The following CSNK1A1 variants were observed in gnomAD, a reference collection of about 807,000 sequenced individuals.
The protein encoded by CSNK1A1 is casein kinase 1 alpha 1, also known as casein kinase I isoform alpha.
Under a neutral mutation model 46.1 loss-of-function variants are expected in CSNK1A1, and 7 were observed. The ratio of observed to expected loss-of-function variants is 0.15; its 90% CI spans 0.09 to 0.29. The LOEUF (loss-of-function observed/expected upper bound fraction) is 0.29, where lower values mean the gene tolerates loss of function less well. CSNK1A1 is among the 10% of genes least tolerant of loss of function. CSNK1A1 has a pLI of 1.00. For synonymous variants in CSNK1A1, 137 were observed against 141.5 expected (o/e 0.97, Z 0.23); for missense variants, 96 against 417.1 (o/e 0.23, Z 6.71).
intron 9 of CSNK1A1, chr5:149,503,723 A>G (rs999298580): frequency 2.0e-6 from 2 of 985,304 alleles, no homozygotes; most frequent in African/African-American, 3.5e-5. Context: ...GCAGGACACA[A>G]ATTCTGCTTG....
At chr5:149,513,403 TA>T (rs3832344) in intron 4 of CSNK1A1, among the ~76,000 whole-genome samples, 194 bp from the exon 5 acceptor site, 10,636 of 146,002 alleles carry the variant, frequency 0.073, 1,128 homozygotes, top group East Asian at 0.5. Flanking sequence ...TAAATCAAGT[TA>T]AAAAAAAAAA....
At chr5:149,542,412 A>G (rs1762262888) in intron 2 of CSNK1A1, among the ~76,000 whole-genome samples, 1 of 149,584 alleles carries the variant, frequency 6.7e-6, no homozygotes, top group African/African-American at 2.5e-5. Flanking sequence ...ATGCACTTGA[A>G]TCATCTCAAA....
chr5:149,511,964 A>T, intron 5 of CSNK1A1, 92 bp from the exon 6 acceptor site: 7 of 926,660 alleles, frequency 7.6e-6, no homozygotes, highest in Non-Finnish European at 1.2e-5. Context: ...ATGTTCCCAA[A>T]TGAGGAGGGA....
intron 2 of CSNK1A1, among the ~76,000 whole-genome samples, chr5:149,527,379 G>A (rs903836027): frequency 2.6e-5 from 4 of 152,012 alleles, no homozygotes; most frequent in African/African-American, 7.3e-5. Context: ...CCACCTCTTG[G>A]CCTCCCAAAG....
At chr5:149,497,176 G>A (rs186158699) in intron 9 of CSNK1A1, 2 of 1,073,174 alleles carry the variant, frequency 1.9e-6, no homozygotes, top group African/African-American at 1.7e-5. Context: ...AACATATTAG[G>A]CATTCACATA....
intron 2 of CSNK1A1, among the ~76,000 whole-genome samples, chr5:149,535,379 C>T (rs1197526551): frequency 2.0e-5 from 3 of 152,136 alleles, no homozygotes; most frequent in African/African-American, 7.2e-5. Flanking sequence ...AAGAGTAAAA[C>T]ACAATATGCC....
chr5:149,502,659 G>A, intron 9 of CSNK1A1: 1 of 981,636 alleles, frequency 1.0e-6, no homozygotes, highest in South Asian at 4.7e-5. Context: ...ACAGGCATGA[G>A]CCACTGCGCC....
At chr5:149,530,734 G>A (rs575953176) in intron 2 of CSNK1A1, among the ~76,000 whole-genome samples, 32 of 151,908 alleles carry the variant, frequency 2.1e-4, no homozygotes, top group African/African-American at 7.2e-4. Context: ...CTGGGAAGCC[G>A]AGGCGGGCGG....
At position 149,517,675 on chromosome 5, in the gene CSNK1A1, C is replaced by A; in HGVS notation, c.456+2615G>T. On this transcript the variant is annotated intron_variant, in intron 4 of 9. Coordinates refer to ENST00000377843, the MANE Select transcript of CSNK1A1 (RefSeq NM_001892.6). This position sits in a 1 kb window ranked among gnomAD's most constrained non-coding sequence, Gnocchi z 4.4. ...CTGAATAATGCCAACGTAAGAGGTG[C>A]TTGAGCAAGATCTACATTCTCCAGA... is the stretch of plus-strand genomic sequence containing the variant. The A allele has an allele frequency of 1.5e-6, 1 of 650,432 alleles. No individual in the cohort carries two copies. 40.3% of individuals were successfully genotyped at this position (650,432 alleles called of 1,614,324 possible).
Position 149,536,102 on chromosome 5 carries a change from C to T in CSNK1A1, c.231-10931G>A, listed in dbSNP as rs373726295. Among the ~76,000 whole-genome samples the T allele has an allele frequency of 5.9e-5, 9 of 152,250 alleles. No homozygotes were observed. In the East Asian group the frequency reaches 1.2e-3, roughly 20 times the overall value. On this transcript the variant is annotated intron_variant, in intron 2 of 9. Coordinates refer to ENST00000377843, the MANE Select transcript of CSNK1A1 (RefSeq NM_001892.6). ...CTGAGTAGCTGGTATCACAGGCACG[C>T]GCCACCACGCCTGACTAATTTTGTA...
At chr5:149,533,927 G>T (rs966602261) in intron 2 of CSNK1A1, among the ~76,000 whole-genome samples, 19 of 152,304 alleles carry the variant, frequency 1.2e-4, no homozygotes, top group African/African-American at 4.6e-4. Context: ...GTTGCCTAGG[G>T]CTGACGGGAA....
intron 2 of CSNK1A1, among the ~76,000 whole-genome samples, chr5:149,542,416 T>C (rs1192302227): frequency 6.7e-6 from 1 of 148,858 alleles, no homozygotes; most frequent in African/African-American, 2.5e-5. Flanking sequence ...ACTTGAATCA[T>C]CTCAAAATCA....
Position 149,497,822 on chromosome 5 carries a change from C to T in CSNK1A1, c.1007-962G>A, listed in dbSNP as rs1760700852. ...TGTTTTCTTCAATCATAAACTGCTC[C>T]TTTTCTTTTAGTTCTTTTTTCTTTT... On this transcript the variant is annotated intron_variant, in intron 9 of 9. Coordinates refer to ENST00000377843, the MANE Select transcript of CSNK1A1 (RefSeq NM_001892.6). The T allele has an allele frequency of 4.1e-6, 4 of 985,352 alleles. No homozygotes were observed. In the South Asian group the frequency reaches 1.9e-4, roughly 46 times the overall value. 61.0% of individuals were successfully genotyped at this position (985,352 alleles called of 1,614,324 possible). A position where few individuals can be genotyped will look rare whatever the true frequency, so the allele number is the denominator to read the frequency against.
chr5:149,507,689 C>A lies in CSNK1A1; in HGVS notation c.751-556G>T, dbSNP rs922954319. 2.0e-5 allele frequency among the ~76,000 whole-genome samples: 3 copies of A among 152,064 alleles called. No individual in the cohort carries two copies. In the South Asian group the frequency reaches 6.2e-4, roughly 32 times the overall value. Reference sequence around the variant, plus strand: ...AGATTGCCAAGGATGGTCTCAAATTCCCGAGCTCAAGAGATCTGCCCCCCT... The same window carrying A: ...AGATTGCCAAGGATGGTCTCAAATTACCGAGCTCAAGAGATCTGCCCCCCT... On this transcript the variant is annotated intron_variant, in intron 7 of 9. Coordinates refer to ENST00000377843, the MANE Select transcript of CSNK1A1 (RefSeq NM_001892.6).
chr5:149,520,869 G>C (rs1303223851), intron 3 of CSNK1A1, among the ~76,000 whole-genome samples: 1 of 152,140 alleles, frequency 6.6e-6, no homozygotes, highest in Non-Finnish European at 1.5e-5. Flanking sequence ...TGACAGATTG[G>C]CAGATTAAGC....
At chr5:149,504,891 G>A in intron 9 of CSNK1A1, 1 of 985,460 alleles carries the variant, frequency 1.0e-6, no homozygotes, top group Non-Finnish European at 1.2e-6. Context: ...GAGAAAATGA[G>A]ATGCTCTGCA....
At position 149,525,508 on chromosome 5, in the gene CSNK1A1, A is replaced by C. The variant is rs181211153; in HGVS notation, c.231-337T>G. 2.2e-4 allele frequency among the ~76,000 whole-genome samples: 34 copies of C among 152,314 alleles called. No individual in the cohort carries two copies. Among genetic ancestry groups the C allele is most frequent in the African/African-American group, 7.5e-4 (31 of 41,566 alleles). On this transcript the variant is annotated intron_variant, in intron 2 of 9. Transcript: ENST00000377843. The surrounding 1 kb of genome is among the most constrained non-coding windows in gnomAD (Gnocchi z 4.2). The stretch of plus-strand genomic sequence containing the variant: ...AAATTCCTTAATCTCACCTGAATTT[A>C]CTTTGTAACTGAAGAAATGAAGATG...
intron 5 of CSNK1A1, among the ~76,000 whole-genome samples, chr5:149,512,388 A>G (rs1761255096): frequency 6.6e-6 from 1 of 152,144 alleles, no homozygotes; most frequent in African/African-American, 2.4e-5. Flanking sequence ...AACCTAGATC[A>G]TTCAGATATT....
At chr5:149,512,904 G>C (rs995151100) in intron 5 of CSNK1A1, among the ~76,000 whole-genome samples, 166 bp downstream of exon 5, 1 of 152,006 alleles carries the variant, frequency 6.6e-6, no homozygotes, top group African/African-American at 2.4e-5. Flanking sequence ...CTCATTTAAC[G>C]GTCTTCTCTA....
Sources: gnomAD v4.1 joint callset for allele counts (sites outside exome capture counted in the v4.1 genomes callset) on GRCh38, gnomAD v4.1.1 for gene constraint, Gnocchi (gnomAD v3.1) non-coding constraint, MANE v1.5 for transcripts, NCBI Gene and HGNC (gene_info 2026-07-23, HGNC 2026-07-21) for gene names.